RIMS1: variants seen among roughly 807,000 people sequenced by gnomAD.
The protein encoded by RIMS1 is regulating synaptic membrane exocytosis 1, also known as regulating synaptic membrane exocytosis protein 1.
In RIMS1, 83 loss-of-function variants were observed where a neutral mutation model predicts 214.1. That is an observed-to-expected ratio of 0.39 (90% confidence interval 0.32 to 0.47). The LOEUF (loss-of-function observed/expected upper bound fraction) is 0.47. Ranked by LOEUF, RIMS1 falls within the 20% of genes least tolerant of loss-of-function variation. RIMS1 has a pLI of 0.99. For missense variants in RIMS1, 2,050 were observed against 2,161.8 expected (o/e 0.95, Z 1.03); for synonymous variants, 793 against 786.8 (o/e 1.01, Z -0.13).
At chr6:72,324,754 T>C (rs2096371753) in intron 28 of RIMS1, among the ~76,000 whole-genome samples, 1 of 151,926 alleles carries the variant, frequency 6.6e-6, no homozygotes, top group Non-Finnish European at 1.5e-5. Context: ...CTGCCTATTA[T>C]TGTGAATAAA....
chr6:72,244,134 T>C (rs150635329), intron 10 of RIMS1, among the ~76,000 whole-genome samples: 12 of 151,838 alleles, frequency 7.9e-5, no homozygotes, highest in African/African-American at 2.9e-4. Flanking sequence ...ATTCTAAATA[T>C]AACTTACAAG....
At chr6:72,285,344 C>A (rs527645774) in intron 24 of RIMS1, among the ~76,000 whole-genome samples, 12 of 152,304 alleles carry the variant, frequency 7.9e-5, no homozygotes, top group African/African-American at 2.6e-4. Context: ...AGAATTTGTA[C>A]AATTCAGTGA....
intron 27 of RIMS1, among the ~76,000 whole-genome samples, chr6:72,313,196 G>GA (rs550187224): frequency 1.1e-3 from 162 of 151,880 alleles, no homozygotes; most frequent in Non-Finnish European, 2.0e-3. Flanking sequence ...GTATGTACTA[G>GA]AAAAAAAATG....
intron 24 of RIMS1, among the ~76,000 whole-genome samples, chr6:72,289,890 C>G (rs1398000123): frequency 6.6e-6 from 1 of 151,756 alleles, no homozygotes; most frequent in Non-Finnish European, 1.5e-5. Flanking sequence ...ATGAAAAAGG[C>G]AAAAGCATGC....
intron 2 of RIMS1, among the ~76,000 whole-genome samples, chr6:72,052,543 T>C (rs1198359454): frequency 6.6e-6 from 1 of 152,232 alleles, no homozygotes; most frequent in African/African-American, 2.4e-5. Context: ...TCTACATTTC[T>C]TTGGAGTGTA....
chr6:71,990,974 C>A (rs1053727029), intron 2 of RIMS1, among the ~76,000 whole-genome samples: 1 of 152,118 alleles, frequency 6.6e-6, no homozygotes, highest in Admixed American at 6.5e-5. Context: ...TCTGTCACAT[C>A]TAAGAAGGCA....
intron 29 of RIMS1, among the ~76,000 whole-genome samples, chr6:72,345,151 C>A (rs1212322474): frequency 6.6e-6 from 1 of 151,744 alleles, no homozygotes; most frequent in East Asian, 1.9e-4. Flanking sequence ...TTTAAGATGA[C>A]CAATTTTAAT....
intron 6 of RIMS1, among the ~76,000 whole-genome samples, chr6:72,215,243 C>T (rs887514724): frequency 1.3e-5 from 2 of 152,138 alleles, no homozygotes; most frequent in African/African-American, 4.8e-5. Context: ...AAGTATAAGA[C>T]TTCAGCCCCA....
Position 72,357,778 on chromosome 6 carries a change from TAA to T in RIMS1, c.4366+23944_4366+23945del, listed in dbSNP as rs1461859830. On this transcript the variant is annotated intron_variant, in intron 29 of 33. Coordinates refer to ENST00000521978, the MANE Select transcript of RIMS1 (RefSeq NM_014989.7). ...GTAAGCTTGGAACCAAACTTGCTCATAACCGTATCTCAGTCATAATTCCACTC... is the reference window on the plus strand; with the variant it reads ...GTAAGCTTGGAACCAAACTTGCTCATCCGTATCTCAGTCATAATTCCACTC... Among the ~76,000 whole-genome samples the T allele has an allele frequency of 3.3e-5, 5 of 152,222 alleles. No individual in the cohort carries two copies. In the East Asian group the frequency reaches 9.6e-4, roughly 29 times the overall value.
intron 26 of RIMS1, among the ~76,000 whole-genome samples, chr6:72,304,014 A>G (rs2094901602): frequency 6.6e-6 from 1 of 151,616 alleles, no homozygotes; most frequent in Non-Finnish European, 1.5e-5. Flanking sequence ...ATTTTCATTA[A>G]AAGACTAAAT....
intron 10 of RIMS1, among the ~76,000 whole-genome samples, chr6:72,244,102 T>G (rs1294191533): frequency 6.6e-6 from 1 of 151,700 alleles, no homozygotes; most frequent in Non-Finnish European, 1.5e-5. Flanking sequence ...CATAATGTAG[T>G]GGCATAGTGA....
chr6:71,906,609 G>C (rs755227564), intron 1 of RIMS1, among the ~76,000 whole-genome samples: 1 of 152,138 alleles, frequency 6.6e-6, no homozygotes. Flanking sequence ...CTTACCACTA[G>C]TAGTAGTAAT....
chr6:72,009,781 A>G (rs1025642419), intron 2 of RIMS1, among the ~76,000 whole-genome samples: 4 of 152,232 alleles, frequency 2.6e-5, no homozygotes, highest in African/African-American at 4.8e-5. Context: ...ACCAGGAAGA[A>G]GTTGAATCTC....
At chr6:72,006,304 A>T (rs1807598777) in intron 2 of RIMS1, among the ~76,000 whole-genome samples, 1 of 152,180 alleles carries the variant, frequency 6.6e-6, no homozygotes, top group South Asian at 2.1e-4. Context: ...GGTTTTCAAG[A>T]AGCACCTATT....
At chr6:72,077,915 T>C (rs1832327502) in intron 2 of RIMS1, among the ~76,000 whole-genome samples, 1 of 152,178 alleles carries the variant, frequency 6.6e-6, no homozygotes, top group Admixed American at 6.5e-5. Context: ...TGGGCTTTCA[T>C]TAACCTAGGA....
intron 6 of RIMS1, among the ~76,000 whole-genome samples, chr6:72,194,426 A>C (rs1479334997): frequency 2.0e-5 from 3 of 152,138 alleles, no homozygotes; most frequent in Admixed American, 2.0e-4. Context: ...TTTGTATTTT[A>C]TGCTGAGTTT....
At chr6:72,305,173 T>G (rs2095034505) in intron 26 of RIMS1, among the ~76,000 whole-genome samples, 1 of 152,002 alleles carries the variant, frequency 6.6e-6, no homozygotes, top group African/African-American at 2.4e-5. Context: ...CTATTAATGT[T>G]TAGAGAAATG....
intron 2 of RIMS1, among the ~76,000 whole-genome samples, chr6:72,056,355 C>A (rs750997111): frequency 5.3e-5 from 8 of 152,164 alleles, no homozygotes; most frequent in Admixed American, 1.3e-4. Flanking sequence ...GTATACCAAA[C>A]ACCCATGACA....
chr6:71,920,246 G>C (rs1312026241), intron 1 of RIMS1, among the ~76,000 whole-genome samples: 1 of 152,168 alleles, frequency 6.6e-6, no homozygotes, highest in African/African-American at 2.4e-5. Context: ...GTAGTATCCT[G>C]AATTGGATTC....
Sources: gnomAD v4.1 joint callset for allele counts (sites outside exome capture counted in the v4.1 genomes callset) on GRCh38, gnomAD v4.1.1 for gene constraint, MANE v1.5 for transcripts, NCBI Gene and HGNC (gene_info 2026-07-23, HGNC 2026-07-21) for gene names.